TACR1: variants seen among roughly 807,000 people sequenced by gnomAD.
TACR1 encodes substance-P receptor.
TACR1 carries 25 observed loss-of-function variants against 35.8 expected under a neutral mutation model. That is an observed-to-expected ratio of 0.70 (90% CI 0.51 to 0.98). The LOEUF is 0.98. Ranked by LOEUF, TACR1 falls within the 50% of genes least tolerant of loss-of-function variation. The pLI is 0.00. For missense variants in TACR1, 478 were observed against 522.9 expected (o/e 0.91, Z 0.84); for synonymous variants, 195 against 206.7 (o/e 0.94, Z 0.48).
In TACR1 at chr2:75,159,622, G is replaced by A. The variant is rs549372325; in HGVS notation, c.390-38854C>T. Among the ~76,000 whole-genome samples, 509 of 152,268 alleles carry A rather than the reference G, an allele frequency of 3.3e-3. 3 individuals carry two copies. The highest frequency in any genetic ancestry group is 0.011 in the African/African-American group (460 of 41,558). ...TAGGTACTTTCCTTAGAAACATGGA[G>A]TCTTCCCAGCAGAGAAAGGAAAGCT... On this transcript the variant is annotated intron_variant, in intron 1 of 4. Transcript: ENST00000305249.
At chr2:75,148,629 T>TCAGATGGG (rs1471267870) in intron 1 of TACR1, among the ~76,000 whole-genome samples, 2 of 152,226 alleles carry the variant, frequency 1.3e-5, no homozygotes, top group African/African-American at 4.8e-5. Flanking sequence ...TAGACCTTTG[T>TCAGATGGG]CAGATGGGTA....
chr2:75,072,842 G>T (rs1049485077), intron 2 of TACR1, among the ~76,000 whole-genome samples: 1 of 152,184 alleles, frequency 6.6e-6, no homozygotes, highest in Non-Finnish European at 1.5e-5. Context: ...AAGGTCTATG[G>T]TTCCAAGTTT....
intron 2 of TACR1, among the ~76,000 whole-genome samples, chr2:75,092,282 C>T (rs1054609104): frequency 6.6e-6 from 1 of 152,078 alleles, no homozygotes; most frequent in Non-Finnish European, 1.5e-5. Context: ...ATTTTAAAAA[C>T]CTCCCTGCTT....
At chr2:75,113,068 G>T (rs1673781876) in intron 2 of TACR1, among the ~76,000 whole-genome samples, 1 of 152,158 alleles carries the variant, frequency 6.6e-6, no homozygotes. Context: ...GAGCTTATAA[G>T]AGTATTTGAA....
intron 2 of TACR1, among the ~76,000 whole-genome samples, chr2:75,074,860 G>A (rs183242017): frequency 6.6e-6 from 1 of 152,174 alleles, no homozygotes; most frequent in African/African-American, 2.4e-5. Context: ...TGTAGCGTGG[G>A]TTGGTAACCA....
In TACR1 at chr2:75,047,607, T is replaced by C. The variant is rs1352791895; in HGVS notation, c.*1825A>G. ...AATCCATACACAGCAAGATTCTCTA[T>C]TGGAAGTATGACTAATGCTTAGGGC... On this transcript the variant is annotated 3_prime_UTR_variant, in exon 5 of 5. Transcript: ENST00000305249. 1 of 152,262 alleles carries C rather than the reference T, an allele frequency of 6.6e-6. No homozygotes were observed. The allele number at this position is 152,262 out of a possible 1,614,324, so 9.4% of individuals were successfully genotyped here.
At chr2:75,162,546 A>G (rs1294620634) in intron 1 of TACR1, among the ~76,000 whole-genome samples, 2 of 152,252 alleles carry the variant, frequency 1.3e-5, no homozygotes, top group Admixed American at 6.5e-5. Context: ...GAGAAGCTCC[A>G]GCTAGAAGTG....
chr2:75,120,044 G>A (rs1244779143), intron 2 of TACR1, among the ~76,000 whole-genome samples: 2 of 152,100 alleles, frequency 1.3e-5, no homozygotes, highest in Non-Finnish European at 2.9e-5. Flanking sequence ...GTGTTCAGAT[G>A]CCAGCTCCCC....
At chr2:75,068,073 G>C (rs1672802331) in intron 2 of TACR1, among the ~76,000 whole-genome samples, 1 of 152,180 alleles carries the variant, frequency 6.6e-6, no homozygotes, top group South Asian at 2.1e-4. Flanking sequence ...CAGAAACAGA[G>C]CCAATAGGAG....
chr2:75,174,687 A>G (rs528157438), intron 1 of TACR1, among the ~76,000 whole-genome samples: 11 of 152,328 alleles, frequency 7.2e-5, no homozygotes, highest in Admixed American at 3.3e-4. Flanking sequence ...AATGTAAAAG[A>G]AGTTTCTTTT....
Position 75,120,115 on chromosome 2 carries a change from A to T in TACR1, c.584+459T>A, listed in dbSNP as rs568986135. On this transcript the variant is annotated intron_variant, in intron 2 of 4. Coordinates refer to ENST00000305249, the MANE Select transcript of TACR1 (RefSeq NM_001058.4). ...GAAAGCAAGTTTATGAAGAAGGTAA[A>T]GGTATAAAAGAATGGCTACTCCATA... 2.0e-5 allele frequency among the ~76,000 whole-genome samples: 3 copies of T among 152,232 alleles called. No individual in the cohort carries two copies. The East Asian group carries it at 5.8e-4, about 29-fold the overall frequency.
intron 2 of TACR1, among the ~76,000 whole-genome samples, chr2:75,079,738 T>TC (rs1491302295): frequency 4.2e-5 from 3 of 71,136 alleles, no homozygotes; most frequent in African/African-American, 9.4e-5. Flanking sequence ...CCTAATGCCT[T>TC]TTTTTTTTTT....
chr2:75,098,002 A>G (rs1673458926), intron 2 of TACR1, among the ~76,000 whole-genome samples: 3 of 152,224 alleles, frequency 2.0e-5, no homozygotes, highest in Admixed American at 2.0e-4. Flanking sequence ...AGTTGGGAAG[A>G]GATGTGCACA....
intron 2 of TACR1, among the ~76,000 whole-genome samples, chr2:75,095,082 C>T (rs918871391): frequency 7.2e-5 from 11 of 151,776 alleles, no homozygotes; most frequent in East Asian, 3.9e-4. Flanking sequence ...AGGGCAAGGG[C>T]GGGGAATTGT....
intron 1 of TACR1, chr2:75,154,522 ACACACTCTCTGAAGAAACC>A (rs1674791612): frequency 6.9e-6 from 1 of 145,902 alleles, no homozygotes; most frequent in African/African-American, 2.6e-5. Context: ...ACACACACAC[ACACACTCTCTGAAGAAACC>A]CAGTGGAGAT....
At chr2:75,051,584 G>T in intron 3 of TACR1, 137 bp from the exon 4 acceptor site, 1 of 1,480,794 alleles carries the variant, frequency 6.8e-7, no homozygotes, top group Non-Finnish European at 9.0e-7. Flanking sequence ...CTTCAAGGAG[G>T]AGAAAGGATC....
intron 1 of TACR1, among the ~76,000 whole-genome samples, chr2:75,159,734 G>A (rs17640500): frequency 0.55 from 84,063 of 151,840 alleles, 23,480 homozygotes; most frequent in Non-Finnish European, 0.57. Flanking sequence ...CTGGCTTGAG[G>A]CTACAATTAC....
At chr2:75,053,492 AT>A (rs1672509588) in intron 3 of TACR1, 112 bp downstream of exon 3, 2 of 1,321,870 alleles carry the variant, frequency 1.5e-6, no homozygotes, top group Non-Finnish European at 2.0e-6. Context: ...GTTGCTCCCC[AT>A]ACCTGGGGAT....
At chr2:75,079,294 G>C (rs1009868687) in intron 2 of TACR1, among the ~76,000 whole-genome samples, 15 of 152,046 alleles carry the variant, frequency 9.9e-5, no homozygotes, top group Admixed American at 9.8e-4. Flanking sequence ...CTATCATTTT[G>C]AATGAGCTAC....
Sources: allele counts gnomAD v4.1 joint callset (sites outside exome capture counted in the v4.1 genomes callset), GRCh38; gene constraint gnomAD v4.1.1; transcripts MANE v1.5; gene names NCBI Gene and HGNC (gene_info 2026-07-23, HGNC 2026-07-21).